YPEL5: variants seen among roughly 807,000 people sequenced by gnomAD.
YPEL5 encodes the protein protein yippee-like 5.
Under a neutral mutation model 10.5 loss-of-function variants are expected in YPEL5, and 1 was observed. The observed-to-expected ratio is 0.10, with a 90% CI of 0.03 to 0.45. The LOEUF (loss-of-function observed/expected upper bound fraction) is 0.45, where lower values mean the gene tolerates loss of function less well. Among genes scored for constraint, YPEL5 ranks in the 20% least tolerant of loss-of-function variants. The probability of loss-of-function intolerance (pLI) is 0.97; values close to 1 mark genes in which losing one functional copy is unlikely to be tolerated. For missense variants in YPEL5, 68 were observed against 159.3 expected, an observed-to-expected ratio of 0.43 and a Z score of 3.09; for synonymous variants, 61 against 56.6, an observed-to-expected ratio of 1.08 and a Z score of -0.35.
intron 1 of YPEL5, among the ~76,000 whole-genome samples, chr2:30,148,805 AAAG>A (rs1391507947): frequency 3.9e-5 from 6 of 152,240 alleles, no homozygotes; most frequent in Non-Finnish European, 8.8e-5. Context: ...AAAATTATGA[AAAG>A]AAGTAATTAA....
intron 1 of YPEL5, among the ~76,000 whole-genome samples, chr2:30,153,696 G>C (rs923367723): frequency 6.6e-6 from 1 of 152,184 alleles, no homozygotes; most frequent in South Asian, 2.1e-4. Flanking sequence ...AGATCCTGTG[G>C]CATTCTAACT....
intron 1 of YPEL5, among the ~76,000 whole-genome samples, chr2:30,155,249 C>T (rs779844319): frequency 2.6e-5 from 4 of 152,174 alleles, no homozygotes; most frequent in Non-Finnish European, 5.9e-5. Flanking sequence ...TCATTATATT[C>T]ACCATTTGTT....
intron 1 of YPEL5, among the ~76,000 whole-genome samples, chr2:30,152,059 T>TG (rs1354588031): frequency 6.6e-6 from 1 of 152,190 alleles, no homozygotes; most frequent in Non-Finnish European, 1.5e-5. Flanking sequence ...TAAAGCCAAT[T>TG]GGTGGTGATA....
At position 30,156,676 on chromosome 2, in the gene YPEL5, A is replaced by G. The variant is rs370740580; in HGVS notation, c.25A>G (p.Ile9Val). 4 of 1,614,176 alleles carry G rather than the reference A, an allele frequency of 2.5e-6. No homozygotes were observed. Among genetic ancestry groups the G allele is most frequent in the Non-Finnish European group, 2.5e-6 (3 of 1,180,024 alleles). Residue 9 changes from isoleucine (I) to valine (V), a missense_variant, in exon 2 of 3, where the codon ATC (isoleucine) becomes GTC (valine). Transcript: ENST00000261353. ...AATGGGCAGAATTTTCCTTGATCAT[A>G]TCGGTGGTACCCGTCTGTTTTCTTG... MGRIFLDHIGGTRLFSCAN... is the reference protein window; with the variant it reads MGRIFLDHVGGTRLFSCAN...
At chr2:30,150,880 T>C (rs1675753389) in intron 1 of YPEL5, among the ~76,000 whole-genome samples, 1 of 152,152 alleles carries the variant, frequency 6.6e-6, no homozygotes, top group African/African-American at 2.4e-5. Context: ...CATTGTAAAG[T>C]GGAAGGAGTA....
chr2:30,152,846 A>C (rs941003371), intron 1 of YPEL5, among the ~76,000 whole-genome samples: 4 of 151,586 alleles, frequency 2.6e-5, no homozygotes, highest in Non-Finnish European at 5.9e-5. Flanking sequence ...AGCCTGATTC[A>C]AGTGTTATAT....
chr2:30,158,496 G>A (rs897131603), intron 2 of YPEL5, 123 bp from the exon 3 acceptor site: 2 of 926,460 alleles, frequency 2.2e-6, no homozygotes, highest in Non-Finnish European at 3.3e-6. Context: ...TTATAGGTTT[G>A]ACTAAACTAA....
chr2:30,148,277 A>T (rs2103503165), intron 1 of YPEL5: 1 of 152,358 alleles, frequency 6.6e-6, no homozygotes, highest in Middle Eastern at 3.4e-3. Flanking sequence ...TTTTTATTCT[A>T]CGTCGTCTTG....
intron 1 of YPEL5, chr2:30,147,852 A>G (rs578139310): frequency 2.5e-4 from 38 of 152,408 alleles, no homozygotes; most frequent in African/African-American, 8.6e-4. Flanking sequence ...CCCCGCCGCC[A>G]CCGCCGCCGC....
chr2:30,154,991 A>C (rs1675974358), intron 1 of YPEL5, among the ~76,000 whole-genome samples: 1 of 152,150 alleles, frequency 6.6e-6, no homozygotes, highest in Non-Finnish European at 1.5e-5. Flanking sequence ...CGCCCACCTC[A>C]GACTCACAAA....
In YPEL5 at chr2:30,156,807, G is replaced by C; in HGVS notation, c.141+15G>C. ...TTTTTAACAAGGTTAGTGAGAAAAA[G>C]TTTGATTCCTAAGTGGGCTTATTGG... On this transcript the variant is annotated intron_variant, in intron 2 of 2. Coordinates refer to ENST00000261353, the MANE Select transcript of YPEL5 (RefSeq NM_016061.3). 1 of 1,613,952 alleles carries C rather than the reference G, an allele frequency of 6.2e-7. No individual in the cohort carries two copies. The highest frequency in any genetic ancestry group is 8.5e-7 in the Non-Finnish European group (1 of 1,179,930).
chr2:30,156,437 G>C (rs1446519875), intron 1 of YPEL5, 191 bp from the exon 2 acceptor site: 2 of 529,016 alleles, frequency 3.8e-6, no homozygotes, highest in East Asian at 3.1e-5. Flanking sequence ...TCTTAGCTTA[G>C]GCATGCCTGT....
intron 1 of YPEL5, chr2:30,147,931 G>T (rs992030789): frequency 2.6e-5 from 4 of 152,464 alleles, no homozygotes; most frequent in Non-Finnish European, 5.9e-5. Context: ...AGCTGGGCCG[G>T]CGGGGGCGCT....
intron 1 of YPEL5, among the ~76,000 whole-genome samples, chr2:30,152,959 AG>A (rs1675877472): frequency 7.0e-6 from 1 of 143,056 alleles, no homozygotes; most frequent in African/African-American, 2.6e-5. Context: ...GGAATGCAGT[AG>A]CACAATCTCA....
chr2:30,158,060 A>C (rs1676119343), intron 2 of YPEL5, among the ~76,000 whole-genome samples: 1 of 152,256 alleles, frequency 6.6e-6, no homozygotes, highest in South Asian at 2.1e-4. Context: ...GAAATTCATT[A>C]CACATTGTCT....
intron 1 of YPEL5, among the ~76,000 whole-genome samples, chr2:30,149,371 A>G (rs890505575): frequency 3.3e-5 from 5 of 152,224 alleles, no homozygotes; most frequent in South Asian, 2.1e-4. Context: ...TAAACTGGTC[A>G]CGTACTGCAA....
At position 30,156,161 on chromosome 2, in the gene YPEL5, CTCTCTTCTTGTTTTCTAAT is replaced by C. The variant is rs1354206246; in HGVS notation, c.-24-465_-24-447del. ...CACTCTGTGTTCTCAAACCAGACTA[CTCTCTTCTTGTTTTCTAAT>C]TGCCCCTTTATCTACTTGTATCCCA... On this transcript the variant is annotated intron_variant, in intron 1 of 2. Transcript: ENST00000261353. Among the ~76,000 whole-genome samples, 7 of 152,322 alleles carry C rather than the reference CTCTCTTCTTGTTTTCTAAT, an allele frequency of 4.6e-5. 1 individual carries two copies. The East Asian group carries it at 1.3e-3, about 29-fold the overall frequency.
At chr2:30,157,885 C>T (rs1676110896) in intron 2 of YPEL5, among the ~76,000 whole-genome samples, 1 of 152,192 alleles carries the variant, frequency 6.6e-6, no homozygotes, top group Admixed American at 6.5e-5. Context: ...TGGAACACAG[C>T]TCTGCTTGTG....
rs761713004 is a variant in YPEL5, at chr2:30,156,800, A to G, written c.141+8A>G. ...GCATTTCTTTTTAACAAGGTTAGTG[A>G]GAAAAAGTTTGATTCCTAAGTGGGC... On this transcript the variant is annotated splice_region_variant and intron_variant, in intron 2 of 2. Transcript: ENST00000261353. The G allele has an allele frequency of 6.2e-7, 1 of 1,613,894 alleles. No homozygotes were observed. The highest frequency in any genetic ancestry group is 2.2e-5 in the East Asian group (1 of 44,876).
Sources: allele counts gnomAD v4.1 joint callset (sites outside exome capture counted in the v4.1 genomes callset), GRCh38; gene constraint gnomAD v4.1.1; transcripts MANE v1.5; gene names NCBI Gene and HGNC (gene_info 2026-07-23, HGNC 2026-07-21).